The following THRB variants were observed in gnomAD, a reference collection of about 807,000 sequenced individuals.
THRB encodes the protein nuclear receptor subfamily 1 group A member 2.
Under a neutral mutation model 47.8 loss-of-function variants are expected in THRB, and 12 were observed. The observed-to-expected ratio is 0.25, with a 90% CI of 0.16 to 0.41. THRB has a LOEUF of 0.41. Ranked by LOEUF, THRB falls within the 10% of genes least tolerant of loss-of-function variation. THRB has a pLI of 1.00. For missense variants in THRB, 348 were observed against 589.2 expected, an observed-to-expected ratio of 0.59 and a Z score of 4.24; for synonymous variants, 218 against 212.2, an observed-to-expected ratio of 1.03 and a Z score of -0.24.
At chr3:24,357,361 A>C (rs531253363) in intron 1 of THRB, among the ~76,000 whole-genome samples, 4,984 of 146,548 alleles carry the variant, frequency 0.034, 326 homozygotes, top group African/African-American at 0.081. Flanking sequence ...AAAAAAAAAA[A>C]AAAAAAAAAA....
chr3:24,318,745 T>C (rs1449820578), intron 2 of THRB, among the ~76,000 whole-genome samples: 1 of 152,222 alleles, frequency 6.6e-6, no homozygotes, highest in Non-Finnish European at 1.5e-5. Context: ...CAAATGCCTA[T>C]GGTAGCAATG....
chr3:24,419,214 C>A (rs757644780), intron 1 of THRB, among the ~76,000 whole-genome samples: 1 of 151,876 alleles, frequency 6.6e-6, no homozygotes, highest in Non-Finnish European at 1.5e-5. Context: ...TCCCTTCTCA[C>A]TGAGTACCCT....
At chr3:24,197,071 A>G (rs769460237) in intron 4 of THRB, among the ~76,000 whole-genome samples, 24 of 152,236 alleles carry the variant, frequency 1.6e-4, no homozygotes, top group Admixed American at 3.3e-4. Context: ...CTAGCACAAC[A>G]TCTGAAGTAA....
chr3:24,285,543 T>A (rs2055185368), intron 3 of THRB, among the ~76,000 whole-genome samples: 1 of 151,370 alleles, frequency 6.6e-6, no homozygotes, highest in African/African-American at 2.4e-5. Flanking sequence ...GTAACTAACC[T>A]GCACATTGTG....
intron 5 of THRB, among the ~76,000 whole-genome samples, chr3:24,169,706 A>G (rs2040177313): frequency 6.7e-6 from 1 of 148,396 alleles, no homozygotes; most frequent in Non-Finnish European, 1.5e-5. Context: ...ATATTATAAT[A>G]TATATCTCTT....
At chr3:24,138,337 T>C (rs2034971163) in intron 8 of THRB, among the ~76,000 whole-genome samples, 1 of 151,896 alleles carries the variant, frequency 6.6e-6, no homozygotes, top group African/African-American at 2.4e-5. Context: ...CCTTGGGCCA[T>C]GGGATATGAC....
At chr3:24,425,877 C>G (rs2069709594) in intron 1 of THRB, among the ~76,000 whole-genome samples, 1 of 151,926 alleles carries the variant, frequency 6.6e-6, no homozygotes, top group African/African-American at 2.4e-5. Flanking sequence ...AAAATAACCT[C>G]TACCTCATAT....
In THRB at chr3:24,260,446, T is replaced by C. The variant is rs143631518; in HGVS notation, c.-42-31445A>G. Among the ~76,000 whole-genome samples, 419 of 152,294 alleles carry C rather than the reference T, an allele frequency of 2.8e-3. 11 individuals carry two copies. The highest frequency in any genetic ancestry group is 0.026 in the East Asian group (134 of 5,176). On this transcript the variant is annotated intron_variant, in intron 3 of 10. Coordinates refer to ENST00000646209, the MANE Select transcript of THRB (RefSeq NM_001354712.2). Reference sequence around the variant, plus strand: ...AGGTGGTCTTCAGGAAATGGTACAATTTCCATGCTGGAAAGCAATGTTTGC... The same window carrying C: ...AGGTGGTCTTCAGGAAATGGTACAACTTCCATGCTGGAAAGCAATGTTTGC...
chr3:24,484,718 T>C (rs1476268038), intron 1 of THRB, among the ~76,000 whole-genome samples: 2 of 152,210 alleles, frequency 1.3e-5, no homozygotes, highest in African/African-American at 4.8e-5. Flanking sequence ...TGTCTGTTTT[T>C]GTACTACAAT....
chr3:24,330,269 T>C (rs539323777), intron 2 of THRB, among the ~76,000 whole-genome samples: 67 of 152,180 alleles, frequency 4.4e-4, no homozygotes, highest in East Asian at 9.7e-4. Flanking sequence ...ATTGCGCCAC[T>C]GCAGTCCGCA....
intron 1 of THRB, among the ~76,000 whole-genome samples, chr3:24,345,007 C>T (rs1577003954): frequency 6.6e-6 from 1 of 152,050 alleles, no homozygotes; most frequent in African/African-American, 2.4e-5. Context: ...GGCTTGCTCC[C>T]TAGTATCCTG....
chr3:24,243,140 C>T (rs2049739399), intron 3 of THRB, among the ~76,000 whole-genome samples: 1 of 150,870 alleles, frequency 6.6e-6, no homozygotes, highest in Admixed American at 6.6e-5. Context: ...GTCTGTAGCT[C>T]AGGCCTCAGT....
chr3:24,256,434 AT>A (rs1197241926), intron 3 of THRB, among the ~76,000 whole-genome samples: 2 of 152,190 alleles, frequency 1.3e-5, no homozygotes. Context: ...AGAATAAATA[AT>A]TGTGAGTTCG....
intron 1 of THRB, among the ~76,000 whole-genome samples, chr3:24,423,788 T>C (rs2069498318): frequency 6.6e-6 from 1 of 151,824 alleles, no homozygotes. Flanking sequence ...GGTTTCTTTC[T>C]AAAAGAAAAA....
At chr3:24,238,703 C>G (rs1053978771) in intron 3 of THRB, among the ~76,000 whole-genome samples, 7 of 152,110 alleles carry the variant, frequency 4.6e-5, no homozygotes, top group Non-Finnish European at 1.0e-4. Flanking sequence ...CTGGAATCTG[C>G]AGTGAGCTCC....
intron 8 of THRB, among the ~76,000 whole-genome samples, chr3:24,133,728 G>A (rs1031492273): frequency 1.4e-5 from 2 of 146,560 alleles, no homozygotes; most frequent in Admixed American, 6.8e-5. Flanking sequence ...AGAGATCAGA[G>A]AAAGGACAGG....
At chr3:24,329,692 A>G (rs1376145167) in intron 2 of THRB, among the ~76,000 whole-genome samples, 1 of 152,252 alleles carries the variant, frequency 6.6e-6, no homozygotes, top group African/African-American at 2.4e-5. Context: ...TAATTGGCCC[A>G]GTTCAAGTGC....
At chr3:24,484,231 T>C (rs1454470815) in intron 1 of THRB, 1 of 152,196 alleles carries the variant, frequency 6.6e-6, no homozygotes, top group Admixed American at 6.5e-5. Flanking sequence ...TACTAACCAA[T>C]ATATCTGGCA....
chr3:24,407,895 C>T (rs1162323158), intron 1 of THRB, among the ~76,000 whole-genome samples: 1 of 151,858 alleles, frequency 6.6e-6, no homozygotes, highest in African/African-American at 2.4e-5. Context: ...CTATCTTGAG[C>T]ACTCATGAGG....
Sources: allele counts gnomAD v4.1 joint callset (sites outside exome capture counted in the v4.1 genomes callset), GRCh38; gene constraint gnomAD v4.1.1; transcripts MANE v1.5; gene names NCBI Gene and HGNC (gene_info 2026-07-23, HGNC 2026-07-21).